Variants in PTPRD observed in about 807,000 individuals in gnomAD.
PTPRD encodes the protein protein tyrosine phosphatase receptor type D.
PTPRD carries 34 observed loss-of-function variants against 214.5 expected under a neutral mutation model. The ratio of observed to expected loss-of-function variants is 0.16; its 90% confidence interval spans 0.12 to 0.21. The LOEUF (loss-of-function observed/expected upper bound fraction) is 0.21. PTPRD is among the 10% of genes least tolerant of loss of function. The pLI, the probability that PTPRD is intolerant of heterozygous loss-of-function variation, is 1.00. For missense variants in PTPRD, 2,545 were observed against 2,398.7 expected (o/e 1.06, Z -1.27); for synonymous variants, 1,128 against 845.7 (o/e 1.33, Z -5.79).
intron 2 of PTPRD, among the ~76,000 whole-genome samples, chr9:10,374,744 T>C (rs1366961915): frequency 1.3e-5 from 2 of 152,048 alleles, no homozygotes; most frequent in Non-Finnish European, 2.9e-5. Flanking sequence ...TAGAAAAAAA[T>C]GAACCTCTTC....
chr9:10,537,130 T>C (rs575338217), intron 2 of PTPRD, among the ~76,000 whole-genome samples: 2 of 152,212 alleles, frequency 1.3e-5, no homozygotes, highest in African/African-American at 4.8e-5. Context: ...TGTCACCAAA[T>C]AAAGATGCAT....
intron 8 of PTPRD, among the ~76,000 whole-genome samples, chr9:9,438,339 T>G (rs181064126): frequency 1.3e-5 from 2 of 152,280 alleles, no homozygotes; most frequent in Admixed American, 6.5e-5. Flanking sequence ...ATGTTAGGGA[T>G]AAGGGACACA....
At chr9:8,843,627 T>C (rs904774928) in intron 11 of PTPRD, among the ~76,000 whole-genome samples, 3 of 152,138 alleles carry the variant, frequency 2.0e-5, no homozygotes, top group Admixed American at 6.5e-5. Context: ...AAAAGGACAA[T>C]GGGTTTCTTA....
At chr9:9,629,812 C>G (rs1365908028) in intron 7 of PTPRD, among the ~76,000 whole-genome samples, 1 of 152,208 alleles carries the variant, frequency 6.6e-6, no homozygotes, top group South Asian at 2.1e-4. Context: ...CAAAACTACA[C>G]TGACAGCTTA....
intron 9 of PTPRD, among the ~76,000 whole-genome samples, chr9:9,373,388 G>C (rs1009900580): frequency 2.1e-4 from 32 of 152,038 alleles, no homozygotes; most frequent in African/African-American, 7.7e-4. Context: ...ATTTGTATTA[G>C]TTTCTTAGTG....
At position 9,046,526 on chromosome 9, in the gene PTPRD, T is replaced by C. The variant is rs149798351; in HGVS notation, c.-142-27791A>G. On this transcript the variant is annotated intron_variant, in intron 10 of 45. Transcript: ENST00000381196. ...AATAGTTTAAAAAGAAGAGCATTTA[T>C]GCACATTTTGTTACTAACGTCTTCC... Among the ~76,000 whole-genome samples, 557 of 152,338 alleles carry C rather than the reference T, an allele frequency of 3.7e-3. 1 individual carries two copies. The highest frequency in any genetic ancestry group is 0.012 in the African/African-American group (498 of 41,588).
chr9:9,240,029 A>G (rs2099969582), intron 9 of PTPRD, among the ~76,000 whole-genome samples: 1 of 152,186 alleles, frequency 6.6e-6, no homozygotes, highest in Non-Finnish European at 1.5e-5. Context: ...ATTTTTCAAA[A>G]GAAAAACATA....
At chr9:9,957,328 CAA>C (rs1248009260) in intron 4 of PTPRD, among the ~76,000 whole-genome samples, 2 of 151,934 alleles carry the variant, frequency 1.3e-5, no homozygotes, top group Admixed American at 1.3e-4. Flanking sequence ...CCTAAAATTA[CAA>C]AAGACATATT....
intron 6 of PTPRD, among the ~76,000 whole-genome samples, chr9:9,736,584 A>G (rs531231093): frequency 4.6e-5 from 7 of 152,136 alleles, no homozygotes; most frequent in Admixed American, 3.3e-4. Context: ...GAGAATTGCC[A>G]TTGTTGCACT....
At chr9:9,936,747 A>T (rs1223155516) in intron 5 of PTPRD, among the ~76,000 whole-genome samples, 2 of 139,242 alleles carry the variant, frequency 1.4e-5, no homozygotes, top group Admixed American at 7.6e-5. Context: ...AGGACTATAA[A>T]TCATGCTGCT....
intron 9 of PTPRD, among the ~76,000 whole-genome samples, chr9:9,195,939 A>G (rs2099938333): frequency 6.6e-6 from 1 of 152,170 alleles, no homozygotes; most frequent in African/African-American, 2.4e-5. Flanking sequence ...TATTTTAAAA[A>G]TCTGAGAATT....
At chr9:10,348,798 G>A (rs573586074) in intron 2 of PTPRD, among the ~76,000 whole-genome samples, 10 of 152,222 alleles carry the variant, frequency 6.6e-5, no homozygotes, top group Admixed American at 2.6e-4. Context: ...GTCCAGCTGG[G>A]AACTTGGTCA....
At chr9:10,458,465 G>C (rs1010992483) in intron 2 of PTPRD, among the ~76,000 whole-genome samples, 1 of 152,104 alleles carries the variant, frequency 6.6e-6, no homozygotes, top group African/African-American at 2.4e-5. Context: ...AACTGAAGCA[G>C]GTAAAAACAT....
intron 14 of PTPRD, among the ~76,000 whole-genome samples, chr9:8,614,587 T>C (rs2095550781): frequency 6.6e-6 from 1 of 152,160 alleles, no homozygotes; most frequent in Non-Finnish European, 1.5e-5. Context: ...AGCCCTACAA[T>C]GTAGAATCCT....
chr9:9,737,307 A>C (rs1296667804), intron 6 of PTPRD, among the ~76,000 whole-genome samples: 1 of 152,006 alleles, frequency 6.6e-6, no homozygotes, highest in Non-Finnish European at 1.5e-5. Context: ...GCTGGTAGAG[A>C]TTTTTCTACC....
intron 2 of PTPRD, among the ~76,000 whole-genome samples, chr9:10,380,951 C>A (rs1358880675): frequency 6.6e-6 from 1 of 151,920 alleles, no homozygotes; most frequent in Non-Finnish European, 1.5e-5. Flanking sequence ...GTATATTTCA[C>A]ACTTAGTTAC....
intron 3 of PTPRD, among the ~76,000 whole-genome samples, chr9:10,124,377 T>C (rs900466854): frequency 6.6e-6 from 1 of 152,220 alleles, no homozygotes; most frequent in African/African-American, 2.4e-5. Context: ...TAAAGTACAC[T>C]ATGCAGCTAA....
At chr9:10,078,426 G>C (rs2098171900) in intron 3 of PTPRD, among the ~76,000 whole-genome samples, 1 of 145,782 alleles carries the variant, frequency 6.9e-6, no homozygotes, top group Non-Finnish European at 1.5e-5. Flanking sequence ...TGAGGAAGGA[G>C]AATTGCTTGA....
chr9:9,441,869 T>A (rs1043498383), intron 8 of PTPRD, among the ~76,000 whole-genome samples: 2 of 152,242 alleles, frequency 1.3e-5, no homozygotes, highest in Non-Finnish European at 2.9e-5. Context: ...TTGCTTCTGC[T>A]GAAACATCGC....
Sources: gnomAD v4.1 joint callset for allele counts (sites outside exome capture counted in the v4.1 genomes callset) on GRCh38, gnomAD v4.1.1 for gene constraint, MANE v1.5 for transcripts, NCBI Gene and HGNC (gene_info 2026-07-23, HGNC 2026-07-21) for gene names.